The following NREP variants were observed in gnomAD, a reference collection of about 807,000 sequenced individuals.
NREP encodes neuronal regeneration related protein, also known as neuronal regeneration-related protein.
Under a neutral mutation model 8.6 loss-of-function variants are expected in NREP, and 5 were observed. The observed-to-expected ratio is 0.58, with a 90% CI of 0.30 to 1.22. The LOEUF (loss-of-function observed/expected upper bound fraction) is 1.22, where lower values mean the gene tolerates loss of function less well. NREP is among the 50% of genes most tolerant of loss of function. The pLI is 0.07. For missense variants in NREP, 86 were observed against 82.5 expected, an observed-to-expected ratio of 1.04 and a Z score of -0.17; for synonymous variants, 27 against 28.0, an observed-to-expected ratio of 0.96 and a Z score of 0.11.
At chr5:111,944,775 C>A (rs1461974301) in intron 2 of NREP, among the ~76,000 whole-genome samples, 3 of 152,116 alleles carry the variant, frequency 2.0e-5, no homozygotes, top group Non-Finnish European at 2.9e-5. Context: ...AGTTCCAAAC[C>A]TGCTTCTTTG....
chr5:111,878,748 CT>C (rs1229107479), intron 2 of NREP, among the ~76,000 whole-genome samples: 2 of 152,196 alleles, frequency 1.3e-5, no homozygotes, highest in African/African-American at 4.8e-5. Flanking sequence ...CCCCACCCCC[CT>C]GCCACTTGAG....
At chr5:111,808,264 T>C (rs10039269) in intron 2 of NREP, among the ~76,000 whole-genome samples, 119,747 of 152,160 alleles carry the variant, frequency 0.79, 47,269 homozygotes, top group East Asian at 0.95. Flanking sequence ...AATTGCTTGT[T>C]TGCCTTCCCC....
intron 1 of NREP, among the ~76,000 whole-genome samples, chr5:111,975,676 T>A (rs959945826): frequency 6.6e-6 from 1 of 152,152 alleles, no homozygotes; most frequent in African/African-American, 2.4e-5. Flanking sequence ...AAAAACAGTA[T>A]CCATAAACAT....
At chr5:111,881,981 A>G (rs1239729425) in intron 2 of NREP, among the ~76,000 whole-genome samples, 2 of 152,250 alleles carry the variant, frequency 1.3e-5, no homozygotes, top group Non-Finnish European at 2.9e-5. Context: ...CTGGACAGAG[A>G]ATGACTTTGA....
chr5:111,858,903 A>G, intron 2 of NREP, among the ~76,000 whole-genome samples: 1 of 152,132 alleles, frequency 6.6e-6, no homozygotes. Context: ...ATTATCACAA[A>G]AACCTTCAAA....
intron 2 of NREP, among the ~76,000 whole-genome samples, chr5:111,958,325 T>C (rs1020077340): frequency 3.3e-5 from 5 of 151,492 alleles, no homozygotes; most frequent in Non-Finnish European, 7.4e-5. Flanking sequence ...TGGACATAAA[T>C]CCCATCTAAT....
intron 2 of NREP, among the ~76,000 whole-genome samples, chr5:111,822,810 C>T (rs1277666953): frequency 6.6e-6 from 1 of 152,092 alleles, no homozygotes; most frequent in Non-Finnish European, 1.5e-5. Context: ...AGTTATGTGA[C>T]ACAGACTTTA....
intron 2 of NREP, among the ~76,000 whole-genome samples, chr5:111,880,872 C>T (rs112415678): frequency 3.4e-3 from 519 of 151,842 alleles, no homozygotes; most frequent in African/African-American, 0.011. Flanking sequence ...GGAACAGCTC[C>T]GTTCTACAGC....
chr5:111,793,723 G>A (rs546670960), intron 2 of NREP, among the ~76,000 whole-genome samples: 21 of 152,104 alleles, frequency 1.4e-4, no homozygotes, highest in Non-Finnish European at 2.9e-4. Context: ...AATGCTTTAC[G>A]CTCAATGAAT....
chr5:111,861,573 C>T (rs1171634452), intron 2 of NREP, among the ~76,000 whole-genome samples: 1 of 152,088 alleles, frequency 6.6e-6, no homozygotes, highest in African/African-American at 2.4e-5. Flanking sequence ...GGAGCCATAA[C>T]AAACATTACT....
intron 2 of NREP, among the ~76,000 whole-genome samples, chr5:111,764,405 G>T (rs1561657289): frequency 6.6e-6 from 1 of 152,202 alleles, no homozygotes; most frequent in East Asian, 1.9e-4. Context: ...CACATGGCTG[G>T]AGAGGCCTCA....
At chr5:111,864,930 T>G (rs1487335284) in intron 2 of NREP, among the ~76,000 whole-genome samples, 1 of 152,200 alleles carries the variant, frequency 6.6e-6, no homozygotes, top group Non-Finnish European at 1.5e-5. Flanking sequence ...GGCAAAGAAA[T>G]ACTAATTTTG....
At chr5:111,926,252 C>T (rs928475364) in intron 2 of NREP, among the ~76,000 whole-genome samples, 1 of 152,036 alleles carries the variant, frequency 6.6e-6, no homozygotes, top group Admixed American at 6.5e-5. Flanking sequence ...CTAGAGGAGC[C>T]AACAGTGCAG....
chr5:111,847,288 T>C (rs57435520), intron 2 of NREP, among the ~76,000 whole-genome samples: 7,234 of 152,204 alleles, frequency 0.048, 591 homozygotes, highest in African/African-American at 0.16. Flanking sequence ...TATCCTTTCA[T>C]GGCCTTTCCT....
At chr5:111,750,480 T>C (rs991736307) in intron 2 of NREP, among the ~76,000 whole-genome samples, 3 of 152,148 alleles carry the variant, frequency 2.0e-5, no homozygotes, top group African/African-American at 7.2e-5. Flanking sequence ...AGTGTCAAGG[T>C]TGATTAGCAA....
At chr5:111,753,080 G>A (rs1750464225) in intron 2 of NREP, among the ~76,000 whole-genome samples, 1 of 151,638 alleles carries the variant, frequency 6.6e-6, no homozygotes, top group African/African-American at 2.4e-5. Context: ...CAAAACTGTG[G>A]GGGTGGGAGA....
At chr5:111,852,674 G>A (rs1006812997) in intron 2 of NREP, among the ~76,000 whole-genome samples, 1 of 152,088 alleles carries the variant, frequency 6.6e-6, no homozygotes, top group African/African-American at 2.4e-5. Flanking sequence ...GGGAGGGGGT[G>A]TGTATGTATT....
intron 2 of NREP, among the ~76,000 whole-genome samples, chr5:111,897,791 T>A (rs12513517): frequency 6.6e-6 from 1 of 152,128 alleles, no homozygotes; most frequent in Non-Finnish European, 1.5e-5. Context: ...ATTTTTTTAC[T>A]AATTTTAAAA....
chr5:111,846,748 T>C (rs1203171326), intron 2 of NREP, among the ~76,000 whole-genome samples: 1 of 152,176 alleles, frequency 6.6e-6, no homozygotes, highest in Non-Finnish European at 1.5e-5. Context: ...CACAGTTCCA[T>C]GAGATAATAC....
Sources: gnomAD v4.1 joint callset for allele counts (sites outside exome capture counted in the v4.1 genomes callset) on GRCh38, gnomAD v4.1.1 for gene constraint, MANE v1.5 for transcripts, NCBI Gene and HGNC (gene_info 2026-07-23, HGNC 2026-07-21) for gene names.